KIRREL3: variants seen among roughly 807,000 people sequenced by gnomAD.
KIRREL3 encodes the protein kirre like nephrin family adhesion molecule 3.
KIRREL3 carries 36 observed loss-of-function variants against 89.7 expected under a neutral mutation model. That is an observed-to-expected ratio of 0.40 (90% CI 0.31 to 0.53). The LOEUF (loss-of-function observed/expected upper bound fraction) is 0.53, where lower values mean the gene tolerates loss of function less well. KIRREL3 is among the 20% of genes least tolerant of loss of function. The pLI is 0.49. For missense variants in KIRREL3, 864 were observed against 1,056.6 expected, an observed-to-expected ratio of 0.82 and a Z score of 2.53; for synonymous variants, 445 against 441.4, an observed-to-expected ratio of 1.01 and a Z score of -0.10.
chr11:126,909,448 C>T lies in KIRREL3; in HGVS notation c.55+91007G>A, dbSNP rs1171964417. 6.6e-6 allele frequency among the ~76,000 whole-genome samples: 1 copy of T among 152,212 alleles called. No individual in the cohort carries two copies. The highest frequency in any genetic ancestry group is 6.5e-5 in the Admixed American group (1 of 15,286). ...CCCAGCATACCCACAGAGTGAGAGCCATGCCTATTCCTTCAGCACGTGCTA... is the reference window on the plus strand; with the variant it reads ...CCCAGCATACCCACAGAGTGAGAGCTATGCCTATTCCTTCAGCACGTGCTA... On this transcript the variant is annotated intron_variant, in intron 1 of 16. Coordinates refer to ENST00000525144, the MANE Select transcript of KIRREL3 (RefSeq NM_032531.4). This position sits in a 1 kb window ranked among gnomAD's most constrained non-coding sequence, Gnocchi z 4.5.
At chr11:126,595,737 C>T (rs747557201) in intron 1 of KIRREL3, among the ~76,000 whole-genome samples, 3 of 152,134 alleles carry the variant, frequency 2.0e-5, no homozygotes, top group Admixed American at 6.5e-5. Context: ...CAGGCCACAC[C>T]GCCCCCTTAG....
chr11:126,768,334 C>T lies in KIRREL3; in HGVS notation c.56-205422G>A, dbSNP rs1949912610. Among the ~76,000 whole-genome samples, 1 of 152,342 alleles carries T rather than the reference C, an allele frequency of 6.6e-6. No homozygotes were observed. Among genetic ancestry groups the T allele is most frequent in the Middle Eastern group, 3.4e-3 (1 of 294 alleles). On this transcript the variant is annotated intron_variant, in intron 1 of 16. Coordinates refer to ENST00000525144, the MANE Select transcript of KIRREL3 (RefSeq NM_032531.4). The surrounding 1 kb of genome is among the most constrained non-coding windows in gnomAD (Gnocchi z 4.5). ...GTCCATCTGTCCATCCATACTGCAT[C>T]CATCCATCCACTTATCCCACAAATA... is the stretch of plus-strand genomic sequence containing the variant.
At position 126,973,099 on chromosome 11, in the gene KIRREL3, G is replaced by GAAAA. The variant is rs763115363; in HGVS notation, c.55+27355_55+27356insTTTT. Among the ~76,000 whole-genome samples the GAAAA allele has an allele frequency of 4.3e-3, 178 of 41,102 alleles. 2 individuals carry two copies. Among genetic ancestry groups the GAAAA allele is most frequent in the African/African-American group, 0.012 (139 of 11,506 alleles). 27.0% of individuals were successfully genotyped at this position (41,102 alleles called of 152,430 possible). On this transcript the variant is annotated intron_variant, in intron 1 of 16. Coordinates refer to ENST00000525144, the MANE Select transcript of KIRREL3 (RefSeq NM_032531.4). ...TTCCACTGCCAACTCTAAGTTTTGA[G>GAAAA]GAAAAAAAAAAAAAAAAAAAAGACA...
rs561501535 is a variant in KIRREL3 at position 126,791,355 on chromosome 11, T to C, written c.55+209100A>G. Among the ~76,000 whole-genome samples, 1 of 152,376 alleles carries C rather than the reference T, an allele frequency of 6.6e-6. No individual in the cohort carries two copies. Among genetic ancestry groups the C allele is most frequent in the South Asian group, 2.1e-4 (1 of 4,828 alleles). On this transcript the variant is annotated intron_variant, in intron 1 of 16. Coordinates refer to ENST00000525144, the MANE Select transcript of KIRREL3 (RefSeq NM_032531.4). This position sits in a 1 kb window ranked among gnomAD's most constrained non-coding sequence, Gnocchi z 4.8. ...ACATTCCAATTCATCGTCCCTGGCCTGGGCTGCATGCAGCCAGCTACCCGC... is the reference window on the plus strand; with the variant it reads ...ACATTCCAATTCATCGTCCCTGGCCCGGGCTGCATGCAGCCAGCTACCCGC...
intron 1 of KIRREL3, among the ~76,000 whole-genome samples, chr11:126,831,362 ATCTCTCTGCC>A (rs1162894838): frequency 2.0e-5 from 3 of 151,480 alleles, no homozygotes; most frequent in Non-Finnish European, 4.4e-5. Context: ...TTTATTGTCA[ATCTCTCTGCC>A]TCTCTCTGTC....
At chr11:126,681,005 T>C (rs2135099465) in intron 1 of KIRREL3, among the ~76,000 whole-genome samples, 1 of 152,314 alleles carries the variant, frequency 6.6e-6, no homozygotes, top group East Asian at 1.9e-4. Flanking sequence ...TAAAGGGTAG[T>C]AAATGAAACC....
At chr11:126,834,710 C>A (rs1943721958) in intron 1 of KIRREL3, among the ~76,000 whole-genome samples, 1 of 152,256 alleles carries the variant, frequency 6.6e-6, no homozygotes, top group Non-Finnish European at 1.5e-5. Context: ...GCCTTCCTCA[C>A]CGGCGCACCT....
chr11:126,521,672 CTGTATGTGTGTGTGTG>C lies in KIRREL3; in HGVS notation c.284-224_284-209del, dbSNP rs1486602560. 7.0e-4 allele frequency among the ~76,000 whole-genome samples: 30 copies of C among 43,028 alleles called. No individual in the cohort carries two copies. Among genetic ancestry groups the C allele is most frequent in the African/African-American group, 4.0e-3 (22 of 5,554 alleles). The allele number at this position is 43,028 out of a possible 152,430, so 28.2% of individuals were successfully genotyped here. A position where few individuals can be genotyped will look rare whatever the true frequency, so the allele number is the denominator to read the frequency against. ...AGGTGTTGGTTCTCTCTCTCTCTCT[CTGTATGTGTGTGTGTG>C]TGTGTGTGTGTGTGTGTGTGTGTGT... On this transcript the variant is annotated intron_variant, in intron 3 of 16. Coordinates refer to ENST00000525144, the MANE Select transcript of KIRREL3 (RefSeq NM_032531.4). This position sits in a 1 kb window ranked among gnomAD's most constrained non-coding sequence, Gnocchi z 4.1.
rs1941284010 is a variant in KIRREL3, at chr11:126,576,923, CA to C, written c.56-14012del. Among the ~76,000 whole-genome samples, 2 of 152,160 alleles carry C rather than the reference CA, an allele frequency of 1.3e-5. No homozygotes were observed. The highest frequency in any genetic ancestry group is 2.1e-4 in the South Asian group (1 of 4,826). ...ACACACAGTTATGCCATTTAGTCCA[CA>C]CTGTAACTGGGGAGGGAGTTGTTGC... On this transcript the variant is annotated intron_variant, in intron 1 of 16. Transcript: ENST00000525144. This position sits in a 1 kb window ranked among gnomAD's most constrained non-coding sequence, Gnocchi z 5.4.
intron 1 of KIRREL3, among the ~76,000 whole-genome samples, chr11:126,853,131 A>G (rs1259165562): frequency 4.6e-5 from 7 of 152,132 alleles, no homozygotes; most frequent in African/African-American, 1.7e-4. Context: ...ATCAATTTCA[A>G]TCAAACTGTG....
At chr11:126,929,833 C>T (rs1262997664) in intron 1 of KIRREL3, among the ~76,000 whole-genome samples, 1 of 152,180 alleles carries the variant, frequency 6.6e-6, no homozygotes, top group Non-Finnish European at 1.5e-5. Context: ...AAAAATGCTC[C>T]TCTGCGCTCT....
chr11:126,540,623 A>T (rs1396517836), intron 2 of KIRREL3, among the ~76,000 whole-genome samples: 4 of 152,078 alleles, frequency 2.6e-5, no homozygotes, highest in African/African-American at 9.6e-5. Flanking sequence ...GGATTCTTCC[A>T]TCGATCCAGC....
chr11:126,667,618 C>T (rs751637602), intron 1 of KIRREL3, among the ~76,000 whole-genome samples: 4 of 152,122 alleles, frequency 2.6e-5, no homozygotes, highest in Admixed American at 6.6e-5. Context: ...TCAATTTATT[C>T]TACGATCTTT....
rs1306818742 is a variant in KIRREL3, at chr11:126,990,053, TG to T, written c.55+10401del. ...ACCCTGGAAGGGTGGAATCACTCCT[TG>T]TGGAAGGGAAAACGCCTGGAGCGGG... On this transcript the variant is annotated intron_variant, in intron 1 of 16. Coordinates refer to ENST00000525144, the MANE Select transcript of KIRREL3 (RefSeq NM_032531.4). This position sits in a 1 kb window ranked among gnomAD's most constrained non-coding sequence, Gnocchi z 6.3. 1.3e-5 allele frequency among the ~76,000 whole-genome samples: 2 copies of T among 152,114 alleles called. No homozygotes were observed. The highest frequency in any genetic ancestry group is 1.5e-5 in the Non-Finnish European group (1 of 68,004).
intron 1 of KIRREL3, among the ~76,000 whole-genome samples, chr11:126,875,388 G>C (rs1178664732): frequency 6.6e-6 from 1 of 152,200 alleles, no homozygotes; most frequent in Non-Finnish European, 1.5e-5. Context: ...ATGAAACAGA[G>C]CTTTTAAGGG....
rs536255427 is a variant in KIRREL3 at position 126,833,057 on chromosome 11, C to T, written c.55+167398G>A. Reference sequence around the variant, plus strand: ...TGTGCGGCTGTCCATAGACTCTTCTCACTGCTGTTATCCTCATAATAGGAT... The same window carrying T: ...TGTGCGGCTGTCCATAGACTCTTCTTACTGCTGTTATCCTCATAATAGGAT... On this transcript the variant is annotated intron_variant, in intron 1 of 16. Transcript: ENST00000525144. Among the ~76,000 whole-genome samples, 137 of 152,316 alleles carry T rather than the reference C, an allele frequency of 9.0e-4. 2 individuals carry two copies. The highest frequency in any genetic ancestry group is 3.0e-3 in the African/African-American group (125 of 41,584).
chr11:126,554,606 C>T (rs181441402), intron 2 of KIRREL3, among the ~76,000 whole-genome samples: 1 of 152,334 alleles, frequency 6.6e-6, no homozygotes, highest in East Asian at 1.9e-4. Context: ...ACTGTCCTCA[C>T]TTTGCTGACA....
intron 1 of KIRREL3, among the ~76,000 whole-genome samples, chr11:126,847,803 G>T (rs1224680852): frequency 6.6e-6 from 1 of 152,122 alleles, no homozygotes; most frequent in Non-Finnish European, 1.5e-5. Context: ...GAACACATTT[G>T]TTTCCCTCTA....
At chr11:126,975,938 C>CCTT (rs1555111870) in intron 1 of KIRREL3, among the ~76,000 whole-genome samples, 2 of 104,366 alleles carry the variant, frequency 1.9e-5, no homozygotes, top group African/African-American at 4.0e-5. Context: ...CTCCCTCCCT[C>CCTT]CCTTCCTTCC....
Sources: gnomAD v4.1 joint callset for allele counts (sites outside exome capture counted in the v4.1 genomes callset) on GRCh38, gnomAD v4.1.1 for gene constraint, Gnocchi (gnomAD v3.1) non-coding constraint, MANE v1.5 for transcripts, NCBI Gene and HGNC (gene_info 2026-07-23, HGNC 2026-07-21) for gene names.